PPP3CA: variants seen among roughly 807,000 people sequenced by gnomAD.
PPP3CA encodes the protein CAM-PRP catalytic subunit.
PPP3CA carries 14 observed loss-of-function variants against 66.5 expected under a neutral mutation model. The ratio of observed to expected loss-of-function variants is 0.21; its 90% CI spans 0.14 to 0.33. The LOEUF (loss-of-function observed/expected upper bound fraction) is 0.33, where lower values mean the gene tolerates loss of function less well. Ranked by LOEUF, PPP3CA falls within the 10% of genes least tolerant of loss-of-function variation. PPP3CA has a pLI of 1.00. For missense variants in PPP3CA, 317 were observed against 639.5 expected (o/e 0.50, Z 5.44); for synonymous variants, 232 against 226.2 (o/e 1.03, Z -0.23).
chr4:101,220,425 A>T (rs1177111257), intron 1 of PPP3CA, among the ~76,000 whole-genome samples: 2 of 151,610 alleles, frequency 1.3e-5, no homozygotes, highest in Non-Finnish European at 1.5e-5. Context: ...TCTCTTTATA[A>T]TCAAACTAAA....
At chr4:101,264,317 T>A (rs888845985) in intron 1 of PPP3CA, among the ~76,000 whole-genome samples, 4 of 152,190 alleles carry the variant, frequency 2.6e-5, no homozygotes, top group African/African-American at 9.6e-5. Flanking sequence ...AGCTCACAGT[T>A]GCATTTGAAT....
At chr4:101,343,531 G>A (rs147507662) in intron 1 of PPP3CA, among the ~76,000 whole-genome samples, 2 of 151,964 alleles carry the variant, frequency 1.3e-5, no homozygotes, top group East Asian at 1.9e-4. Context: ...AGCAATAAAC[G>A]GACCATATTA....
intron 2 of PPP3CA, among the ~76,000 whole-genome samples, chr4:101,150,480 A>G (rs1723102907): frequency 6.6e-6 from 1 of 152,120 alleles, no homozygotes; most frequent in South Asian, 2.1e-4. Context: ...CTAACATCCT[A>G]TTTGCCTCAC....
At chr4:101,315,894 T>C (rs1728869949) in intron 1 of PPP3CA, among the ~76,000 whole-genome samples, 1 of 152,188 alleles carries the variant, frequency 6.6e-6, no homozygotes, top group African/African-American at 2.4e-5. Flanking sequence ...CTAAAAACCA[T>C]GGTTTCGGAC....
intron 2 of PPP3CA, among the ~76,000 whole-genome samples, chr4:101,160,167 A>G (rs1185222992): frequency 6.6e-6 from 1 of 152,120 alleles, no homozygotes; most frequent in East Asian, 1.9e-4. Context: ...CATGTGCCAT[A>G]CAATTTAGAA....
At chr4:101,151,131 C>A (rs1243770178) in intron 2 of PPP3CA, among the ~76,000 whole-genome samples, 1 of 152,170 alleles carries the variant, frequency 6.6e-6, no homozygotes, top group African/African-American at 2.4e-5. Context: ...TTATAAAGTG[C>A]TACTTCATCA....
chr4:101,208,009 C>A (rs1179740509), intron 1 of PPP3CA, among the ~76,000 whole-genome samples: 3 of 152,094 alleles, frequency 2.0e-5, no homozygotes. Context: ...CTCATTTAGG[C>A]ATGATGGGCA....
At chr4:101,269,553 CGTGTGTGTGTGTGTGTGTGTGTGTGT>C (rs55721209) in intron 1 of PPP3CA, among the ~76,000 whole-genome samples, 12 of 135,976 alleles carry the variant, frequency 8.8e-5, no homozygotes, top group African/African-American at 3.0e-4. Context: ...AAACAAGGAA[CGTGTGTGTGTGTGTGTGTGTGTGTGT>C]GTGTGTGTGT....
intron 1 of PPP3CA, among the ~76,000 whole-genome samples, chr4:101,237,083 T>C (rs1030405571): frequency 6.7e-6 from 1 of 150,154 alleles, no homozygotes; most frequent in Non-Finnish European, 1.5e-5. Flanking sequence ...AAATCAGATA[T>C]AGTATTGTTA....
intron 1 of PPP3CA, among the ~76,000 whole-genome samples, chr4:101,228,429 C>T (rs1294850544): frequency 2.0e-5 from 3 of 151,520 alleles, no homozygotes; most frequent in African/African-American, 7.3e-5. Flanking sequence ...TAAACCATTT[C>T]AATCTTAGAC....
At position 101,023,593 on chromosome 4, in the gene PPP3CA, A is replaced by C. The variant is rs1726482323; in HGVS notation, c.*2272T>G. 6.6e-6 allele frequency: 1 copy of C among 152,554 alleles called. No homozygotes were observed. Among genetic ancestry groups the C allele is most frequent in the South Asian group, 2.1e-4 (1 of 4,834 alleles). 9.5% of individuals were successfully genotyped at this position (152,554 alleles called of 1,614,324 possible). On this transcript the variant is annotated 3_prime_UTR_variant, in exon 14 of 14. Coordinates refer to ENST00000394854, the MANE Select transcript of PPP3CA (RefSeq NM_000944.5). ...ATACCAGAATCACCATTTCTTTCACATCATCACTCTAGTAAGTTGCATCTA... is the reference window on the plus strand; with the variant it reads ...ATACCAGAATCACCATTTCTTTCACCTCATCACTCTAGTAAGTTGCATCTA...
At chr4:101,259,726 C>T (rs532559525) in intron 1 of PPP3CA, among the ~76,000 whole-genome samples, 48 of 152,198 alleles carry the variant, frequency 3.2e-4, no homozygotes, top group African/African-American at 1.1e-3. Flanking sequence ...AAAATACACA[C>T]ACACACCATC....
intron 3 of PPP3CA, among the ~76,000 whole-genome samples, chr4:101,106,450 A>AAAGAAAGAAGGAAAGAAAG (rs751759518): frequency 9.0e-5 from 1 of 11,094 alleles, no homozygotes; most frequent in African/African-American, 4.1e-4. Context: ...AGAAAGAAAG[A>AAAGAAAGAAGGAAAGAAAG]AAGAGAAAAG....
intron 1 of PPP3CA, among the ~76,000 whole-genome samples, chr4:101,281,090 G>A (rs1403545627): frequency 2.0e-5 from 3 of 152,174 alleles, no homozygotes; most frequent in Non-Finnish European, 4.4e-5. Context: ...TGTGTTAAAT[G>A]CTATGCTAAG....
At chr4:101,195,002 G>C (rs1724740283) in intron 2 of PPP3CA, among the ~76,000 whole-genome samples, 1 of 152,106 alleles carries the variant, frequency 6.6e-6, no homozygotes, top group Non-Finnish European at 1.5e-5. Context: ...GCCCGGAGTG[G>C]TGGCTTATGC....
intron 2 of PPP3CA, chr4:101,171,156 C>T: frequency 2.2e-6 from 1 of 455,680 alleles, no homozygotes; most frequent in Non-Finnish European, 4.4e-6. Context: ...TGTGTGAAAT[C>T]TCCTTTCTGT....
intron 1 of PPP3CA, among the ~76,000 whole-genome samples, chr4:101,224,401 T>C (rs1484080804): frequency 6.6e-6 from 1 of 151,882 alleles, no homozygotes; most frequent in Non-Finnish European, 1.5e-5. Flanking sequence ...CCTTTACTCC[T>C]TCTTCTCTGC....
intron 8 of PPP3CA, among the ~76,000 whole-genome samples, chr4:101,069,716 C>G (rs570453477): frequency 6.6e-6 from 1 of 150,560 alleles, no homozygotes; most frequent in South Asian, 2.1e-4. Flanking sequence ...CCTCTTCCTT[C>G]TCCTCAGCCT....
In PPP3CA at chr4:101,155,138, C is replaced by T. The variant is rs555824507; in HGVS notation, c.259+40778G>A. 9.2e-5 allele frequency among the ~76,000 whole-genome samples: 14 copies of T among 152,198 alleles called. No individual in the cohort carries two copies. The South Asian group carries it at 2.3e-3, about 25-fold the overall frequency. ...CCATATAAAAAATATTTTAAGATTT[C>T]ACTGGACTTGGTATGTTAAAACATA... is the stretch of plus-strand genomic sequence containing the variant. On this transcript the variant is annotated intron_variant, in intron 2 of 13. Coordinates refer to ENST00000394854, the MANE Select transcript of PPP3CA (RefSeq NM_000944.5).
Sources: allele counts gnomAD v4.1 joint callset (sites outside exome capture counted in the v4.1 genomes callset), GRCh38; gene constraint gnomAD v4.1.1; transcripts MANE v1.5; gene names NCBI Gene and HGNC (gene_info 2026-07-23, HGNC 2026-07-21).